The following DOCK1 variants were observed in gnomAD, a reference collection of about 807,000 sequenced individuals.
DOCK1 encodes dedicator of cytokinesis 1.
A neutral mutation model predicts 262.7 loss-of-function variants in DOCK1; 138 were observed. That is an observed-to-expected ratio of 0.53 (90% CI 0.46 to 0.61). The LOEUF (loss-of-function observed/expected upper bound fraction) is 0.61, where lower values mean the gene tolerates loss of function less well. DOCK1 is among the 20% of genes least tolerant of loss of function. The pLI, the probability that DOCK1 is intolerant of heterozygous loss-of-function variation, is 0.00. For missense variants in DOCK1, 1,908 were observed against 2,370.7 expected (o/e 0.80, Z 4.05); for synonymous variants, 866 against 867.4 (o/e 1.00, Z 0.03).
chr10:127,153,803 C>A, intron 27 of DOCK1: 2 of 1,415,530 alleles, frequency 1.4e-6, no homozygotes, highest in South Asian at 2.3e-5. Flanking sequence ...GGGTAAACAT[C>A]ATTTGTCACT....
At chr10:127,017,035 C>CCACACA (rs147295824) in intron 12 of DOCK1, among the ~76,000 whole-genome samples, 1,309 of 108,528 alleles carry the variant, frequency 0.012, 87 homozygotes, top group Middle Eastern at 0.024. Flanking sequence ...GATACAGATA[C>CCACACA]CACACACACA....
At chr10:127,067,857 A>T (rs2045968330) in intron 23 of DOCK1, among the ~76,000 whole-genome samples, 1 of 151,608 alleles carries the variant, frequency 6.6e-6, no homozygotes, top group African/African-American at 2.4e-5. Flanking sequence ...CAGGCCCCTG[A>T]CGCTCAGGCA....
intron 23 of DOCK1, among the ~76,000 whole-genome samples, chr10:127,086,082 T>A (rs2047177913): frequency 6.6e-6 from 1 of 152,146 alleles, no homozygotes; most frequent in African/African-American, 2.4e-5. Context: ...GAGCCTCATC[T>A]CTTCAGGAGT....
At chr10:127,008,566 G>A (rs1034641388) in intron 10 of DOCK1, among the ~76,000 whole-genome samples, 166 bp from the exon 11 acceptor site, 12 of 141,686 alleles carry the variant, frequency 8.5e-5, no homozygotes, top group Admixed American at 3.6e-4. Flanking sequence ...AGCATTTTCT[G>A]ATAACTTAAT....
chr10:127,183,561 G>C (rs2133992918), intron 27 of DOCK1, among the ~76,000 whole-genome samples: 1 of 152,254 alleles, frequency 6.6e-6, no homozygotes, highest in East Asian at 1.9e-4. Context: ...TGCACTTGGG[G>C]TCCATGTACA....
chr10:127,090,989 T>G (rs1005625319), intron 23 of DOCK1, among the ~76,000 whole-genome samples: 2 of 151,624 alleles, frequency 1.3e-5, no homozygotes, highest in African/African-American at 4.8e-5. Flanking sequence ...TTTGGTTTTT[T>G]TTTTTTTTTT....
At chr10:127,335,437 A>G (rs1485613156) in intron 29 of DOCK1, among the ~76,000 whole-genome samples, 2 of 152,180 alleles carry the variant, frequency 1.3e-5, no homozygotes, top group African/African-American at 4.8e-5. Flanking sequence ...AATCCTTCTC[A>G]TATTCCTCTG....
intron 27 of DOCK1, among the ~76,000 whole-genome samples, chr10:127,233,927 A>G (rs2058949386): frequency 6.6e-6 from 1 of 152,200 alleles, no homozygotes; most frequent in Non-Finnish European, 1.5e-5. Flanking sequence ...TTCTTCAATA[A>G]TAGAACTCTT....
At chr10:127,255,197 C>G (rs1356103114) in intron 28 of DOCK1, among the ~76,000 whole-genome samples, 1 of 152,080 alleles carries the variant, frequency 6.6e-6, no homozygotes, top group African/African-American at 2.4e-5. Flanking sequence ...CCCAGGAGTT[C>G]AAGACCAGCC....
chr10:127,311,259 G>C (rs2062052524), intron 29 of DOCK1, among the ~76,000 whole-genome samples: 1 of 152,152 alleles, frequency 6.6e-6, no homozygotes, highest in Non-Finnish European at 1.5e-5. Context: ...CCTGCAGAAG[G>C]AACCTGCAGA....
chr10:126,966,006 T>C (rs2037645323), intron 1 of DOCK1, among the ~76,000 whole-genome samples: 2 of 152,194 alleles, frequency 1.3e-5, no homozygotes, highest in Non-Finnish European at 2.9e-5. Flanking sequence ...AGCAAATTTC[T>C]CCTGTCCCCA....
chr10:127,032,290 C>A lies in DOCK1; in HGVS notation c.1882C>A (p.Leu628Ile). 3.2e-6 allele frequency: 5 copies of A among 1,580,530 alleles called. No homozygotes were observed. The highest frequency in any genetic ancestry group is 4.3e-6 in the Non-Finnish European group (5 of 1,165,824). The change falls in exon 18 of 52, where the codon CTC becomes ATC. Residue 628 changes from leucine to isoleucine, a missense_variant. Physicochemically the swap from Leu to Ile is conservative, Grantham distance 5. Coordinates refer to ENST00000623213, the MANE Select transcript of DOCK1 (RefSeq NM_001290223.2). ...CAAGGACTCCTTCCAGATCTCCACG[C>A]TCGTGTGCTCCACCAAACTGACTCA... ...ISKDSFQIST[L>I]VCSTKLTQNV...
chr10:127,181,751 C>G (rs1183318083), intron 27 of DOCK1, among the ~76,000 whole-genome samples: 2 of 152,098 alleles, frequency 1.3e-5, no homozygotes, highest in Non-Finnish European at 2.9e-5. Context: ...CGGCTTCCAC[C>G]GGAAGGGGAG....
intron 51 of DOCK1, among the ~76,000 whole-genome samples, chr10:127,447,872 C>G (rs2070690474): frequency 6.6e-6 from 1 of 152,208 alleles, no homozygotes; most frequent in African/African-American, 2.4e-5. Context: ...AGATGCAATT[C>G]TAATGACATT....
Position 127,407,534 on chromosome 10 carries a change from G to T in DOCK1, c.4123-1503G>T, listed in dbSNP as rs142274595. Among the ~76,000 whole-genome samples, 255 of 152,280 alleles carry T rather than the reference G, an allele frequency of 1.7e-3. 1 individual carries two copies. The highest frequency in any genetic ancestry group is 5.8e-3 in the African/African-American group (240 of 41,558). On this transcript the variant is annotated intron_variant, in intron 40 of 51. Transcript: ENST00000623213. ...GTTCTGACCACAGCAGGGATCAATT[G>T]ATTCAGTGTCATAGAATCTCTCTTA...
In DOCK1 at chr10:127,362,149, C is replaced by T; in HGVS notation, c.3369C>T (p.Ala1123=). The part of the protein sequence containing the change: ...TLIPETELRK[A]TIPIFFDMMQ... ...TTCCCGAGACGGAGCTGCGCAAAGC[C>T]ACCATCCCCATCTTCTTTGATATGA... Residue 1123 remains alanine, a synonymous_variant, in exon 33 of 52, where the codon GCC becomes GCT. Coordinates refer to ENST00000623213, the MANE Select transcript of DOCK1 (RefSeq NM_001290223.2). The T allele has an allele frequency of 6.2e-7, 1 of 1,613,894 alleles. No individual in the cohort carries two copies. Among genetic ancestry groups the T allele is most frequent in the East Asian group, 2.2e-5 (1 of 44,884 alleles).
intron 44 of DOCK1, among the ~76,000 whole-genome samples, chr10:127,417,589 G>T (rs1187423720): frequency 1.3e-5 from 2 of 152,106 alleles, no homozygotes; most frequent in African/African-American, 4.8e-5. Flanking sequence ...GTTGTTGTTT[G>T]TTTGTTTTTT....
chr10:127,429,003 A>ACGTGTGGATTGGGG (rs2069076285), intron 47 of DOCK1, among the ~76,000 whole-genome samples: 1 of 35,914 alleles, frequency 2.8e-5, no homozygotes, highest in Non-Finnish European at 5.4e-5. Flanking sequence ...GTGGATTGGG[A>ACGTGTGGATTGGGG]TGCCGTGTGG....
At chr10:127,011,262 C>T (rs1166507506) in intron 11 of DOCK1, among the ~76,000 whole-genome samples, 4 of 152,272 alleles carry the variant, frequency 2.6e-5, no homozygotes, top group South Asian at 2.1e-4. Flanking sequence ...TGGGAAATGT[C>T]GTGCTAATGA....
Sources: gnomAD v4.1 joint callset for allele counts (sites outside exome capture counted in the v4.1 genomes callset) on GRCh38, gnomAD v4.1.1 for gene constraint, MANE v1.5 for transcripts, NCBI Gene and HGNC (gene_info 2026-07-23, HGNC 2026-07-21) for gene names.